LHFPL3: variants seen among roughly 807,000 people sequenced by gnomAD.
LHFPL3 encodes LHFPL tetraspan subfamily member 3 protein.
A neutral mutation model predicts 19.3 loss-of-function variants in LHFPL3; 5 were observed. The ratio of observed to expected loss-of-function variants is 0.26; its 90% CI spans 0.14 to 0.54. LHFPL3 has a LOEUF of 0.54. Among genes scored for constraint, LHFPL3 ranks in the 20% least tolerant of loss-of-function variants. The pLI, the probability that LHFPL3 is intolerant of heterozygous loss-of-function variation, is 0.94. For missense variants in LHFPL3, 249 were observed against 307.4 expected (o/e 0.81, Z 1.42); for synonymous variants, 133 against 126.2 (o/e 1.05, Z -0.36).
chr7:104,420,058 T>C (rs1364016647), intron 1 of LHFPL3, among the ~76,000 whole-genome samples: 1 of 152,206 alleles, frequency 6.6e-6, no homozygotes, highest in Non-Finnish European at 1.5e-5. Context: ...TCTAACCCCA[T>C]GAAGAGTTCC....
chr7:104,625,581 TA>T (rs1366564587), intron 1 of LHFPL3, among the ~76,000 whole-genome samples: 1 of 152,206 alleles, frequency 6.6e-6, no homozygotes, highest in Non-Finnish European at 1.5e-5. Context: ...AAAGGAAAGA[TA>T]AGACCATATT....
chr7:104,423,872 G>C (rs965644995), intron 1 of LHFPL3, among the ~76,000 whole-genome samples: 1 of 152,102 alleles, frequency 6.6e-6, no homozygotes, highest in Non-Finnish European at 1.5e-5. Flanking sequence ...GAAAAACCAG[G>C]CTTGTTCAGG....
chr7:104,505,587 A>G (rs1793682579), intron 1 of LHFPL3, among the ~76,000 whole-genome samples: 1 of 150,928 alleles, frequency 6.6e-6, no homozygotes, highest in African/African-American at 2.4e-5. Context: ...GTTTGATAGG[A>G]AAAAAAAAAT....
At chr7:104,739,211 C>A (rs1168916851) in intron 2 of LHFPL3, among the ~76,000 whole-genome samples, 1 of 152,178 alleles carries the variant, frequency 6.6e-6, no homozygotes, top group Admixed American at 6.5e-5. Context: ...GTCAAACCTG[C>A]ATGTTCCTGG....
intron 1 of LHFPL3, among the ~76,000 whole-genome samples, chr7:104,389,710 C>T (rs1351373250): frequency 4.6e-5 from 7 of 152,052 alleles, no homozygotes; most frequent in African/African-American, 1.7e-4. Flanking sequence ...TATATGTACA[C>T]ATCTATAGTT....
intron 2 of LHFPL3, among the ~76,000 whole-genome samples, chr7:104,786,107 G>A (rs1042457280): frequency 2.6e-5 from 4 of 152,160 alleles, no homozygotes; most frequent in African/African-American, 9.7e-5. Context: ...TCATGAACAA[G>A]GAATAAACAC....
chr7:104,429,955 T>A (rs1028058923), intron 1 of LHFPL3, among the ~76,000 whole-genome samples: 1 of 152,142 alleles, frequency 6.6e-6, no homozygotes, highest in Non-Finnish European at 1.5e-5. Context: ...AAGACAAGTT[T>A]CTTGTTCTAG....
chr7:104,856,664 T>A (rs1229917407), intron 2 of LHFPL3, among the ~76,000 whole-genome samples: 2 of 152,236 alleles, frequency 1.3e-5, no homozygotes, highest in Non-Finnish European at 2.9e-5. Context: ...ATCCAAAAAT[T>A]ATATTGTACA....
At chr7:104,691,120 T>C (rs1439833630) in intron 1 of LHFPL3, among the ~76,000 whole-genome samples, 11 of 152,198 alleles carry the variant, frequency 7.2e-5, no homozygotes, top group South Asian at 2.1e-4. Context: ...GATCATCAAA[T>C]CACCATGCAT....
intron 1 of LHFPL3, among the ~76,000 whole-genome samples, chr7:104,558,541 G>C (rs1439494073): frequency 6.6e-6 from 1 of 151,666 alleles, no homozygotes; most frequent in East Asian, 1.9e-4. Flanking sequence ...TTTTTTTCTT[G>C]TAAATTTGTT....
At chr7:104,734,238 T>C (rs1793758820) in intron 1 of LHFPL3, among the ~76,000 whole-genome samples, 2 of 152,324 alleles carry the variant, frequency 1.3e-5, no homozygotes, top group South Asian at 4.2e-4. Flanking sequence ...TGGCATTCTC[T>C]GTATCTCCTG....
chr7:104,338,148 G>T (rs1789872741), intron 1 of LHFPL3, among the ~76,000 whole-genome samples: 1 of 136,470 alleles, frequency 7.3e-6, no homozygotes, highest in Non-Finnish European at 1.5e-5. Context: ...ACCCAGGCTG[G>T]AGTGCAGTGG....
chr7:104,883,428 A>C (rs1463746597), intron 2 of LHFPL3, among the ~76,000 whole-genome samples: 1 of 152,190 alleles, frequency 6.6e-6, no homozygotes, highest in Non-Finnish European at 1.5e-5. Flanking sequence ...TTGTATTATA[A>C]GTAAGTCTAT....
At position 104,767,920 on chromosome 7, in the gene LHFPL3, C is replaced by G. The variant is rs1056764877; in HGVS notation, c.682+31009C>G. 3.9e-5 allele frequency among the ~76,000 whole-genome samples: 6 copies of G among 152,024 alleles called. No homozygotes were observed. The South Asian group carries it at 1.0e-3, about 26-fold the overall frequency. ...TGTAGAACAAAGGAAATAAATGAAC[C>G]TTGTGATTTCATCTTTGCCTAAAAG... On this transcript the variant is annotated intron_variant, in intron 2 of 2. Transcript: ENST00000424859.
chr7:104,738,689 GA>G lies in LHFPL3; in HGVS notation c.682+1782del, dbSNP rs567613238. 11 of 152,296 alleles carry G rather than the reference GA, an allele frequency of 7.2e-5. No individual in the cohort carries two copies. In the East Asian group the frequency reaches 1.9e-3, roughly 27 times the overall value. The allele number at this position is 152,296 out of a possible 1,614,324, so 9.4% of individuals were successfully genotyped here. A position where few individuals can be genotyped will look rare whatever the true frequency, so the allele number is the denominator to read the frequency against. ...AATAATTCTCCCGATTCATGGTTCA[GA>G]AAAGAACAGCTTAGAGGTATAGAAT... is the stretch of plus-strand genomic sequence containing the variant. On this transcript the variant is annotated intron_variant, in intron 2 of 2. Transcript: ENST00000424859.
rs921857640 is a variant in LHFPL3, at chr7:104,601,538, G to T, written c.446-135137G>T. ...ATGATGAGACAGATATAGGGGAGAG[G>T]GGTTGCTAGATAGGGTGGTCAGGGA... On this transcript the variant is annotated intron_variant, in intron 1 of 2. Transcript: ENST00000424859. 3.9e-5 allele frequency among the ~76,000 whole-genome samples: 6 copies of T among 152,266 alleles called. No homozygotes were observed. The East Asian group carries it at 1.2e-3, about 29-fold the overall frequency.
chr7:104,711,873 A>C (rs1350437796), intron 1 of LHFPL3, among the ~76,000 whole-genome samples: 4 of 152,214 alleles, frequency 2.6e-5, no homozygotes, highest in Non-Finnish European at 1.5e-5. Context: ...TTTGGGCCAC[A>C]GTAACTACAA....
intron 1 of LHFPL3, among the ~76,000 whole-genome samples, chr7:104,468,784 G>A (rs768884190): frequency 1.3e-5 from 2 of 151,056 alleles, no homozygotes; most frequent in Non-Finnish European, 1.5e-5. Context: ...TCAGCCTCCC[G>A]AGTAGCTGGG....
chr7:104,814,664 C>G (rs1790531179), intron 2 of LHFPL3, among the ~76,000 whole-genome samples: 1 of 152,184 alleles, frequency 6.6e-6, no homozygotes, highest in Non-Finnish European at 1.5e-5. Flanking sequence ...AGGTGCCAAG[C>G]GGCACCTATA....
Sources: allele counts gnomAD v4.1 joint callset (sites outside exome capture counted in the v4.1 genomes callset), GRCh38; gene constraint gnomAD v4.1.1; transcripts MANE v1.5; gene names NCBI Gene and HGNC (gene_info 2026-07-23, HGNC 2026-07-21).